The following ATL2 variants were observed in gnomAD, a reference collection of about 807,000 sequenced individuals.
ATL2 encodes atlastin-2.
In ATL2, 31 loss-of-function variants were observed where a neutral mutation model predicts 73.9. The observed-to-expected ratio is 0.42, with a 90% CI of 0.32 to 0.57. The LOEUF (loss-of-function observed/expected upper bound fraction) is 0.57, where lower values mean the gene tolerates loss of function less well. Among genes scored for constraint, ATL2 ranks in the 20% least tolerant of loss-of-function variants. The pLI is 0.14. For missense variants in ATL2, 738 were observed against 702.6 expected (o/e 1.05, Z -0.57); for synonymous variants, 291 against 237.5 (o/e 1.23, Z -2.07).
chr2:38,334,006 C>T (rs575426852), intron 2 of ATL2, among the ~76,000 whole-genome samples: 2 of 149,728 alleles, frequency 1.3e-5, no homozygotes, highest in South Asian at 4.2e-4. Context: ...AGATAGTCCA[C>T]ATAACCTCTG....
rs574694115 is a variant in ATL2, at chr2:38,303,860, G to A, written c.1072-3532C>T. On this transcript the variant is annotated intron_variant, in intron 9 of 12. Coordinates refer to ENST00000378954, the MANE Select transcript of ATL2 (RefSeq NM_001135673.4). ...TAAAGAATGGATCCTGGCTGGGCGTGGTGGCTCATGCCTGTAATCCCAGCA... is the reference window on the plus strand; with the variant it reads ...TAAAGAATGGATCCTGGCTGGGCGTAGTGGCTCATGCCTGTAATCCCAGCA... Among the ~76,000 whole-genome samples the A allele has an allele frequency of 5.3e-5, 8 of 152,300 alleles. No homozygotes were observed. In the East Asian group the frequency reaches 1.5e-3, roughly 29 times the overall value.
chr2:38,377,385 C>T (rs908204211), upstream of ATL2: 7 of 757,826 alleles, frequency 9.2e-6, no homozygotes, highest in East Asian at 6.2e-5. Flanking sequence ...TCTCCTCGCC[C>T]TCCGCCTGTA....
At chr2:38,334,901 A>AG (rs1669240447) in intron 2 of ATL2, among the ~76,000 whole-genome samples, 2 of 23,046 alleles carry the variant, frequency 8.7e-5, no homozygotes, top group Non-Finnish European at 1.4e-4. Context: ...AATATATATT[A>AG]TTTATAATAT....
intron 1 of ATL2, among the ~76,000 whole-genome samples, chr2:38,363,960 C>T (rs1188782044): frequency 1.3e-5 from 2 of 152,156 alleles, no homozygotes; most frequent in East Asian, 1.9e-4. Flanking sequence ...CAGATTAAGG[C>T]TAACTTTAAA....
intron 2 of ATL2, among the ~76,000 whole-genome samples, chr2:38,337,396 G>A (rs866472568): frequency 7.1e-6 from 1 of 140,396 alleles, no homozygotes; most frequent in Non-Finnish European, 1.5e-5. Context: ...TGAGGCAGGA[G>A]AATTGCTTGA....
At chr2:38,306,721 CA>C in intron 9 of ATL2, among the ~76,000 whole-genome samples, 1 of 152,298 alleles carries the variant, frequency 6.6e-6, no homozygotes, top group African/African-American at 2.4e-5. Flanking sequence ...TAAAAATCCT[CA>C]AAAGGTACAG....
chr2:38,360,849 A>G (rs1354465561), intron 1 of ATL2, among the ~76,000 whole-genome samples: 1 of 152,144 alleles, frequency 6.6e-6, no homozygotes, highest in Non-Finnish European at 1.5e-5. Context: ...TAAGTTGTTT[A>G]TATCCTAGAG....
chr2:38,327,540 C>CAAAAAAAAAAAAAAAAAAAGAAA (rs56332855), intron 2 of ATL2, among the ~76,000 whole-genome samples: 1 of 89,962 alleles, frequency 1.1e-5, no homozygotes, highest in Non-Finnish European at 2.4e-5. Flanking sequence ...AAAAAAAGTA[C>CAAAAAAAAAAAAAAAAAAAGAAA]AAAAAAAAAA....
intron 1 of ATL2, chr2:38,353,953 G>T (rs1407827813): frequency 5.3e-6 from 1 of 189,746 alleles, no homozygotes; most frequent in Non-Finnish European, 1.1e-5. Context: ...AGCACTTTGG[G>T]CGGCCAAGGT....
At chr2:38,313,385 G>C (rs189530408) in intron 6 of ATL2, 142 bp from the exon 7 acceptor site, 6 of 607,474 alleles carry the variant, frequency 9.9e-6, no homozygotes, top group Admixed American at 3.2e-5. Flanking sequence ...GTCAGTACTG[G>C]TCATGGTTAT....
intron 7 of ATL2, 96 bp from the exon 8 acceptor site, chr2:38,310,543 TAACTC>T (rs1667701269): frequency 3.8e-6 from 4 of 1,040,942 alleles, no homozygotes; most frequent in Non-Finnish European, 5.4e-6. Context: ...TATGCACACT[TAACTC>T]AGATGGTACT....
intron 2 of ATL2, among the ~76,000 whole-genome samples, chr2:38,334,475 G>T (rs1008383714): frequency 6.6e-6 from 1 of 151,852 alleles, no homozygotes; most frequent in African/African-American, 2.4e-5. Flanking sequence ...GCTGAGGTGG[G>T]CGGATCACCT....
At chr2:38,372,625 A>C (rs1457411958) in intron 1 of ATL2, among the ~76,000 whole-genome samples, 1 of 152,246 alleles carries the variant, frequency 6.6e-6, no homozygotes, top group African/African-American at 2.4e-5. Context: ...GGATTGTCTA[A>C]AATGCACATT....
rs746634594 is a variant in ATL2, at chr2:38,298,180, T to G, written c.1596A>C (p.Thr532=). ...GTGTTTCAGCAATCTGATCAATCAC[T>G]GTTCCAATTTCTCTGAACTCCCCAG... ...KYSGEFREIG[T]VIDQIAETLW... Residue 532 remains threonine (T), a synonymous_variant, in exon 12 of 13, where the codon ACA becomes ACC. Transcript: ENST00000378954. 43 of 1,613,784 alleles carry G rather than the reference T, an allele frequency of 2.7e-5. 1 individual carries two copies. The South Asian group carries it at 4.6e-4, about 17-fold the overall frequency.
At chr2:38,318,738 G>A in intron 3 of ATL2, 99 bp from the exon 4 acceptor site, 1 of 1,325,030 alleles carries the variant, frequency 7.5e-7, no homozygotes, top group East Asian at 2.4e-5. Context: ...ATTAAATCAA[G>A]AAAAGTACTT....
Position 38,294,998 on chromosome 2 carries a change from T to TC in ATL2, c.*995_*996insG, listed in dbSNP as rs1553326107. 6.8e-5 allele frequency: 1 copy of TC among 14,716 alleles called. No homozygotes were observed. Among genetic ancestry groups the TC allele is most frequent in the African/African-American group, 2.1e-4 (1 of 4,832 alleles). 0.9% of individuals were successfully genotyped at this position (14,716 alleles called of 1,614,324 possible). ...AAACATTCCCATTGAATTCCCTTGG[T>TC]GGGCGGGGGGGGGGTGAGATTGCAG... On this transcript the variant is annotated 3_prime_UTR_variant, in exon 13 of 13. Transcript: ENST00000378954.
intron 7 of ATL2, among the ~76,000 whole-genome samples, chr2:38,312,908 TG>T (rs1334694937): frequency 6.6e-6 from 1 of 152,096 alleles, no homozygotes; most frequent in Admixed American, 6.5e-5. Flanking sequence ...AGTACTTCCA[TG>T]GGGGGCTACC....
At chr2:38,342,164 G>C (rs1669760842) in intron 2 of ATL2, among the ~76,000 whole-genome samples, 1 of 151,702 alleles carries the variant, frequency 6.6e-6, no homozygotes, top group Admixed American at 6.6e-5. Context: ...GGGAGAGATA[G>C]GTAAGTAGCA....
At chr2:38,347,745 G>A (rs1158611048) in intron 1 of ATL2, among the ~76,000 whole-genome samples, 1 of 150,752 alleles carries the variant, frequency 6.6e-6, no homozygotes, top group Non-Finnish European at 1.5e-5. Context: ...ATTTTACTCA[G>A]GAGTCTTACA....
Sources: gnomAD v4.1 joint callset for allele counts (sites outside exome capture counted in the v4.1 genomes callset) on GRCh38, gnomAD v4.1.1 for gene constraint, MANE v1.5 for transcripts, NCBI Gene and HGNC (gene_info 2026-07-23, HGNC 2026-07-21) for gene names.